Variants in GPN2 observed in about 807,000 individuals in gnomAD.
GPN2 encodes GPN-loop GTPase 2, also known as ATP-binding domain 1 family member B.
A neutral mutation model predicts 30.1 loss-of-function variants in GPN2; 27 were observed. That is an observed-to-expected ratio of 0.90 (90% confidence interval 0.66 to 1.24). GPN2 has a LOEUF of 1.24. Among genes scored for constraint, GPN2 ranks in the 50% most tolerant of loss-of-function variants. The pLI is 0.00. For synonymous variants in GPN2, 212 were observed against 174.4 expected (o/e 1.22, Z -1.70); for missense variants, 406 against 405.4 (o/e 1.00, Z -0.01).
rs2081855022 is a variant in GPN2, at chr1:26,879,688, T to C, written c.922A>G (p.Met308Val). ...PSNQSVEQEA[M>V]QL Reference sequence around the variant, plus strand: ...GGTCCACCTTGTTGCTACAGCTGCATGGCTTCCTGCTCCACTGACTGGTTC... The same window carrying C: ...GGTCCACCTTGTTGCTACAGCTGCACGGCTTCCTGCTCCACTGACTGGTTC... Residue 308 changes from methionine to valine, a missense_variant, in exon 5 of 5, where the codon ATG (methionine) becomes GTG (valine). Transcript: ENST00000374135. 1.9e-6 allele frequency: 3 copies of C among 1,613,472 alleles called. No homozygotes were observed. Among genetic ancestry groups the C allele is most frequent in the Non-Finnish European group, 1.7e-6 (2 of 1,179,388 alleles).
At chr1:26,885,485 C>T (rs1043681165) in intron 3 of GPN2, among the ~76,000 whole-genome samples, 3 of 151,966 alleles carry the variant, frequency 2.0e-5, no homozygotes, top group African/African-American at 7.2e-5. Flanking sequence ...AAGTTTGGTC[C>T]ACTCTCTTTA....
In GPN2 at chr1:26,879,716, G is replaced by C. The variant is rs777826209; in HGVS notation, c.894C>G (p.Pro298=). 1 of 1,613,944 alleles carries C rather than the reference G, an allele frequency of 6.2e-7. No homozygotes were observed. ...TLGIQEKYLA[P]SNQSVEQEAM... ...CTTCCTGCTCCACTGACTGGTTCGA[G>C]GGTGCCAGGTACTTCTCCTGGATGC... Residue 298 remains proline (P), a synonymous_variant, in exon 5 of 5, where the codon CCC becomes CCG. Transcript: ENST00000374135.
At chr1:26,880,502 A>G (rs996025622) in intron 4 of GPN2, among the ~76,000 whole-genome samples, 6 of 152,264 alleles carry the variant, frequency 3.9e-5, no homozygotes, top group South Asian at 4.1e-4. Context: ...TAGTAGAGAC[A>G]GGGTTTCACC....
chr1:26,890,230 A>C lies in GPN2; in HGVS notation c.-134T>G. 1.3e-6 allele frequency: 1 copy of C among 750,796 alleles called. No individual in the cohort carries two copies. The highest frequency in any genetic ancestry group is 2.1e-6 in the Non-Finnish European group (1 of 482,244). The allele number at this position is 750,796 out of a possible 1,614,324, so 46.5% of individuals were successfully genotyped here. A position where few individuals can be genotyped will look rare whatever the true frequency, so the allele number is the denominator to read the frequency against. On this transcript the variant is annotated 5_prime_UTR_variant, in exon 1 of 5. Coordinates refer to ENST00000374135, the MANE Select transcript of GPN2 (RefSeq NM_018066.4). ...GCCAGCGTCACTCGCCTCAGGCGGA[A>C]CAGCTGAGACCGTGTCGCGCAAAAG...
chr1:26,889,454 C>G (rs961016598), intron 1 of GPN2, among the ~76,000 whole-genome samples: 1 of 152,168 alleles, frequency 6.6e-6, no homozygotes, highest in Non-Finnish European at 1.5e-5. Flanking sequence ...CCAAAATCGC[C>G]AAGTTGGCTA....
intron 3 of GPN2, among the ~76,000 whole-genome samples, chr1:26,884,750 G>A (rs1024672493): frequency 6.6e-6 from 1 of 152,202 alleles, no homozygotes; most frequent in Non-Finnish European, 1.5e-5. Context: ...GGGAGGCCAA[G>A]GCAGGTAGAT....
Position 26,884,200 on chromosome 1 carries a change from T to C in GPN2, c.820A>G (p.Met274Val). The change falls in exon 4 of 5, where the codon ATG (methionine) becomes GTG (valine). Residue 274 changes from methionine to valine, a missense_variant. Coordinates refer to ENST00000374135, the MANE Select transcript of GPN2 (RefSeq NM_018066.4). ...RAQEQRSLEA[M>V]MSAAMGADFH... Reference sequence around the variant, plus strand: ...TCGGCTCCCATTGCGGCAGACATCATGGCTTCCAAGCTTCGCTGCTCTTGG... The same window carrying C: ...TCGGCTCCCATTGCGGCAGACATCACGGCTTCCAAGCTTCGCTGCTCTTGG... 1.2e-6 allele frequency: 2 copies of C among 1,614,060 alleles called. No individual in the cohort carries two copies. Among genetic ancestry groups the C allele is most frequent in the Non-Finnish European group, 1.7e-6 (2 of 1,180,000 alleles).
rs1159654347 is a variant in GPN2, at chr1:26,878,933, C to T, written c.*744G>A. 6.6e-6 allele frequency: 1 copy of T among 152,220 alleles called. No individual in the cohort carries two copies. Among genetic ancestry groups the T allele is most frequent in the Non-Finnish European group, 1.5e-5 (1 of 68,040 alleles). 9.4% of individuals were successfully genotyped at this position (152,220 alleles called of 1,614,324 possible). ...TTTAACCACTACTGTAAATGGAAAA[C>T]TAGTTAACACTTGTCAACAATAGAA... On this transcript the variant is annotated 3_prime_UTR_variant, in exon 5 of 5. Transcript: ENST00000374135.
At chr1:26,889,175 C>A in intron 1 of GPN2, 50 bp from the exon 2 acceptor site, 1 of 1,447,938 alleles carries the variant, frequency 6.9e-7, no homozygotes. Context: ...CAGGGATCAG[C>A]ATTCCCTCAT....
rs969368156 is a variant in GPN2, at chr1:26,876,555, T to C, written c.*3122A>G. On this transcript the variant is annotated 3_prime_UTR_variant, in exon 5 of 5. Coordinates refer to ENST00000374135, the MANE Select transcript of GPN2 (RefSeq NM_018066.4). ...TTCTAAGTTTTTTACTTTCCTATAT[T>C]TATTAGGAAATTTAAAAATAATCTT... The C allele has an allele frequency of 1.3e-5, 2 of 152,158 alleles. No homozygotes were observed. Among genetic ancestry groups the C allele is most frequent in the African/African-American group, 4.8e-5 (2 of 41,434 alleles). 9.4% of individuals were successfully genotyped at this position (152,158 alleles called of 1,614,324 possible).
In GPN2 at chr1:26,877,081, C is replaced by A. The variant is rs555033167; in HGVS notation, c.*2596G>T. 103 of 152,314 alleles carry A rather than the reference C, an allele frequency of 6.8e-4. No homozygotes were observed. Among genetic ancestry groups the A allele is most frequent in the African/African-American group, 2.3e-3 (94 of 41,568 alleles). 9.4% of individuals were successfully genotyped at this position (152,314 alleles called of 1,614,324 possible). A position where few individuals can be genotyped will look rare whatever the true frequency, so the allele number is the denominator to read the frequency against. On this transcript the variant is annotated 3_prime_UTR_variant, in exon 5 of 5. Transcript: ENST00000374135. The stretch of plus-strand genomic sequence containing the variant: ...CGTCAGGATTCCTGGGCTCTAGGCC[C>A]CACAGGTGATTCACAGCTAGCCCCA...
In GPN2 at chr1:26,876,596, A is replaced by G. The variant is rs2081838959; in HGVS notation, c.*3081T>C. ...AAATAATCTTAAGGATGACTGCCAC[A>G]TGCCAGCCATAATGGAGGATGGTCT... On this transcript the variant is annotated 3_prime_UTR_variant, in exon 5 of 5. Coordinates refer to ENST00000374135, the MANE Select transcript of GPN2 (RefSeq NM_018066.4). 6.6e-6 allele frequency: 1 copy of G among 152,154 alleles called. No homozygotes were observed. The highest frequency in any genetic ancestry group is 6.5e-5 in the Admixed American group (1 of 15,270). The allele number at this position is 152,154 out of a possible 1,614,324, so 9.4% of individuals were successfully genotyped here.
chr1:26,889,152 T>C (rs748771304), intron 1 of GPN2, 27 bp from the exon 2 acceptor site: 2 of 1,595,564 alleles, frequency 1.3e-6, no homozygotes, highest in East Asian at 2.2e-5. Flanking sequence ...AGGGTGAGAG[T>C]GGCCTGGAGA....
intron 4 of GPN2, among the ~76,000 whole-genome samples, chr1:26,882,730 T>G (rs1430989679): frequency 6.6e-6 from 1 of 152,192 alleles, no homozygotes; most frequent in Non-Finnish European, 1.5e-5. Flanking sequence ...CACCTACCCA[T>G]GACCTTGGCT....
chr1:26,887,802 C>T (rs2081898662), intron 2 of GPN2, among the ~76,000 whole-genome samples: 1 of 151,822 alleles, frequency 6.6e-6, no homozygotes, highest in Admixed American at 6.6e-5. Flanking sequence ...ACCTCGTGAT[C>T]CACCTGCCTC....
At chr1:26,881,525 A>G (rs2081864717) in intron 4 of GPN2, among the ~76,000 whole-genome samples, 1 of 152,220 alleles carries the variant, frequency 6.6e-6, no homozygotes, top group Non-Finnish European at 1.5e-5. Context: ...AAAATACTAC[A>G]TTATTTAAAT....
intron 2 of GPN2, among the ~76,000 whole-genome samples, chr1:26,887,043 C>T (rs1461397976): frequency 6.7e-6 from 1 of 150,170 alleles, no homozygotes; most frequent in Non-Finnish European, 1.5e-5. Flanking sequence ...CAAGTATGTA[C>T]CAAGAACTGT....
chr1:26,889,584 G>C (rs1170900949), intron 1 of GPN2, 102 bp downstream of exon 1: 54 of 1,173,960 alleles, frequency 4.6e-5, no homozygotes, highest in Non-Finnish European at 6.2e-5. Context: ...ACTCCAAAGC[G>C]ACCCAGCCCC....
intron 4 of GPN2, among the ~76,000 whole-genome samples, chr1:26,882,711 C>T (rs528850473): frequency 6.6e-6 from 1 of 152,330 alleles, no homozygotes; most frequent in Admixed American, 6.5e-5. Flanking sequence ...GCCTCTGTGA[C>T]CTGATGGACA....
Sources: allele counts gnomAD v4.1 joint callset (sites outside exome capture counted in the v4.1 genomes callset), GRCh38; gene constraint gnomAD v4.1.1; transcripts MANE v1.5; gene names NCBI Gene and HGNC (gene_info 2026-07-23, HGNC 2026-07-21).